NEDD4L: variants seen among roughly 807,000 people sequenced by gnomAD.
NEDD4L encodes the protein E3 ubiquitin-protein ligase NEDD4-like.
NEDD4L carries 54 observed loss-of-function variants against 148.9 expected under a neutral mutation model. The ratio of observed to expected loss-of-function variants is 0.36; its 90% confidence interval spans 0.29 to 0.45. NEDD4L has a LOEUF of 0.45. Among genes scored for constraint, NEDD4L ranks in the 20% least tolerant of loss-of-function variants. The pLI is 1.00. For missense variants in NEDD4L, 856 were observed against 1,233.8 expected (o/e 0.69, Z 4.59); for synonymous variants, 433 against 440.7 (o/e 0.98, Z 0.22).
At chr18:58,073,650 A>G (rs1393877592) in intron 1 of NEDD4L, among the ~76,000 whole-genome samples, 1 of 152,216 alleles carries the variant, frequency 6.6e-6, no homozygotes, top group Non-Finnish European at 1.5e-5. Flanking sequence ...GGAATAAGCA[A>G]ATTCAGAGAC....
chr18:58,332,847 A>G (rs1442540471), intron 11 of NEDD4L, among the ~76,000 whole-genome samples: 1 of 152,220 alleles, frequency 6.6e-6, no homozygotes, highest in African/African-American at 2.4e-5. Context: ...ATTCATATCA[A>G]TTAGGCTTCA....
chr18:58,389,831 A>T (rs200749509), intron 28 of NEDD4L, among the ~76,000 whole-genome samples: 1 of 23,428 alleles, frequency 4.3e-5, no homozygotes, highest in African/African-American at 2.3e-4. Context: ...ATTTATTTTT[A>T]TTTATTTATT....
intron 2 of NEDD4L, among the ~76,000 whole-genome samples, chr18:58,185,087 A>G (rs2039317823): frequency 6.6e-6 from 1 of 152,178 alleles, no homozygotes; most frequent in Non-Finnish European, 1.5e-5. Flanking sequence ...CTTGCTCTCA[A>G]GGCACTGTAC....
chr18:58,080,786 C>CA (rs2083389543), intron 1 of NEDD4L, among the ~76,000 whole-genome samples: 1 of 152,142 alleles, frequency 6.6e-6, no homozygotes. Flanking sequence ...TGAGTTGGAG[C>CA]CTGGGAGCTG....
intron 1 of NEDD4L, among the ~76,000 whole-genome samples, chr18:58,148,374 C>G (rs1442650415): frequency 2.6e-5 from 4 of 152,136 alleles, no homozygotes; most frequent in African/African-American, 7.2e-5. Context: ...CCATGTTGGT[C>G]AGGCCGGTCT....
rs954966637 is a variant in NEDD4L, at chr18:58,205,077, A to G, written c.122+39216A>G. Among the ~76,000 whole-genome samples the G allele has an allele frequency of 1.2e-4, 18 of 152,358 alleles. No individual in the cohort carries two copies. The South Asian group carries it at 1.2e-3, about 11-fold the overall frequency. ...CATCAAATACATTTTATCCATAACC[A>G]TAAGATATTCTAAGATCGACCAAGT... On this transcript the variant is annotated intron_variant, in intron 2 of 30. Coordinates refer to ENST00000400345, the MANE Select transcript of NEDD4L (RefSeq NM_001144967.3).
chr18:58,115,622 T>G (rs1486432279), intron 1 of NEDD4L, among the ~76,000 whole-genome samples: 1 of 152,142 alleles, frequency 6.6e-6, no homozygotes, highest in African/African-American at 2.4e-5. Context: ...TGAGGATTTT[T>G]GGACTTTTGA....
At chr18:58,371,740 T>A (rs2046904813) in intron 23 of NEDD4L, 1 of 152,332 alleles carries the variant, frequency 6.6e-6, no homozygotes, top group African/African-American at 2.4e-5. Flanking sequence ...CCAGTCATGG[T>A]GGGTTGGGAT....
intron 5 of NEDD4L, among the ~76,000 whole-genome samples, chr18:58,306,624 T>TTTC (rs201323445): frequency 0.022 from 3,176 of 147,484 alleles, 106 homozygotes; most frequent in African/African-American, 0.073. Context: ...GGCAAGTTTC[T>TTTC]TTCTTCTTTT....
At chr18:58,063,277 G>A (rs1293610188) in intron 1 of NEDD4L, among the ~76,000 whole-genome samples, 1 of 151,268 alleles carries the variant, frequency 6.6e-6, no homozygotes, top group South Asian at 2.1e-4. Context: ...GGCTGGTCTC[G>A]AACTCCTGGG....
intron 2 of NEDD4L, among the ~76,000 whole-genome samples, chr18:58,228,355 C>T (rs2044627832): frequency 1.3e-5 from 2 of 152,174 alleles, no homozygotes; most frequent in African/African-American, 4.8e-5. Flanking sequence ...TACGTGCATG[C>T]CAGGTGGGGG....
chr18:58,066,035 C>T (rs2082573089), intron 1 of NEDD4L, among the ~76,000 whole-genome samples: 1 of 152,176 alleles, frequency 6.6e-6, no homozygotes, highest in Non-Finnish European at 1.5e-5. Context: ...CTTTAATATT[C>T]ATATCTCATA....
At chr18:58,164,815 C>T (rs1295865157) in intron 1 of NEDD4L, among the ~76,000 whole-genome samples, 1 of 152,196 alleles carries the variant, frequency 6.6e-6, no homozygotes, top group Non-Finnish European at 1.5e-5. Context: ...TTCTGCAGAC[C>T]TTGGTTATAA....
At chr18:58,111,092 CAG>C (rs1341154142) in intron 1 of NEDD4L, among the ~76,000 whole-genome samples, 3 of 152,164 alleles carry the variant, frequency 2.0e-5, no homozygotes, top group Admixed American at 6.5e-5. Context: ...CTTGTTGAGA[CAG>C]AGTCTCACTG....
At chr18:58,206,870 G>A (rs140770005) in intron 2 of NEDD4L, among the ~76,000 whole-genome samples, 3 of 152,284 alleles carry the variant, frequency 2.0e-5, no homozygotes, top group Admixed American at 2.0e-4. Context: ...CCCCACCTGG[G>A]CACCTTCATC....
At position 58,206,863 on chromosome 18, in the gene NEDD4L, C is replaced by G. The variant is rs1568386501; in HGVS notation, c.123-38564C>G. The stretch of plus-strand genomic sequence containing the variant: ...TACAGGTAGGAATCAATTGCATCCC[C>G]ACCTGGGCACCTTCATCGGCAGTTG... On this transcript the variant is annotated intron_variant, in intron 2 of 30. Coordinates refer to ENST00000400345, the MANE Select transcript of NEDD4L (RefSeq NM_001144967.3). 2.0e-5 allele frequency among the ~76,000 whole-genome samples: 3 copies of G among 152,268 alleles called. 1 individual carries two copies. The highest frequency in any genetic ancestry group is 3.9e-4 in the East Asian group (2 of 5,182).
intron 1 of NEDD4L, among the ~76,000 whole-genome samples, chr18:58,088,042 G>A (rs1024719880): frequency 1.3e-5 from 2 of 152,232 alleles, no homozygotes; most frequent in African/African-American, 4.8e-5. Context: ...CTTCCAAGTT[G>A]CCTCACTCAC....
rs143910352 is a variant in NEDD4L at position 58,378,335 on chromosome 18, G to C, written c.2353-4911G>C. Among the ~76,000 whole-genome samples, 33 of 152,276 alleles carry C rather than the reference G, an allele frequency of 2.2e-4. No homozygotes were observed. In the East Asian group the frequency reaches 6.2e-3, roughly 28 times the overall value. On this transcript the variant is annotated intron_variant, in intron 24 of 30. Transcript: ENST00000400345. ...GAAAGAATCTAAAAAGGCTCTTTAG[G>C]GGGTGATAATGAATTAAAAGGTAGA...
intron 2 of NEDD4L, among the ~76,000 whole-genome samples, chr18:58,193,553 A>C (rs548366014): frequency 6.6e-6 from 1 of 152,254 alleles, no homozygotes; most frequent in African/African-American, 2.4e-5. Context: ...ACTTACACAC[A>C]CCACTTAAAT....
Sources: allele counts gnomAD v4.1 joint callset (sites outside exome capture counted in the v4.1 genomes callset), GRCh38; gene constraint gnomAD v4.1.1; transcripts MANE v1.5; gene names NCBI Gene and HGNC (gene_info 2026-07-23, HGNC 2026-07-21).